CWC27: variants seen among roughly 807,000 people sequenced by gnomAD.
CWC27 encodes the protein spliceosome-associated protein CWC27 homolog.
In CWC27, 47 loss-of-function variants were observed where a neutral mutation model predicts 63.6. The ratio of observed to expected loss-of-function variants is 0.74; its 90% CI spans 0.58 to 0.94. The LOEUF is 0.94. Ranked by LOEUF, CWC27 falls within the 40% of genes least tolerant of loss-of-function variation. CWC27 has a pLI of 0.00. For synonymous variants in CWC27, 175 were observed against 179.8 expected, an observed-to-expected ratio of 0.97 and a Z score of 0.22; for missense variants, 495 against 554.3, an observed-to-expected ratio of 0.89 and a Z score of 1.07.
At chr5:64,808,382 C>T in intron 10 of CWC27, 1 of 960,080 alleles carries the variant, frequency 1.0e-6, no homozygotes, top group Non-Finnish European at 1.2e-6. Flanking sequence ...ACCCTTTTCA[C>T]ACTCCTGTAA....
At chr5:64,947,820 T>G (rs1363199983) in intron 11 of CWC27, among the ~76,000 whole-genome samples, 1 of 152,076 alleles carries the variant, frequency 6.6e-6, no homozygotes, top group Non-Finnish European at 1.5e-5. Context: ...AGGGAGAGCC[T>G]TATATATCAT....
At chr5:64,996,412 C>A (rs1207622308) in intron 13 of CWC27, among the ~76,000 whole-genome samples, 1 of 152,044 alleles carries the variant, frequency 6.6e-6, no homozygotes. Flanking sequence ...ACAGATAATG[C>A]AATTGATCAC....
chr5:64,907,037 G>T (rs1747659636), intron 11 of CWC27, among the ~76,000 whole-genome samples: 1 of 152,072 alleles, frequency 6.6e-6, no homozygotes, highest in Non-Finnish European at 1.5e-5. Context: ...TATCTGTTTT[G>T]GTACCAGTAC....
At chr5:64,826,661 G>A (rs902069873) in intron 10 of CWC27, among the ~76,000 whole-genome samples, 3 of 149,504 alleles carry the variant, frequency 2.0e-5, no homozygotes, top group African/African-American at 7.4e-5. Context: ...TAATTATTTT[G>A]GTTAATAAGT....
At chr5:64,961,659 G>A (rs1022579836) in intron 11 of CWC27, among the ~76,000 whole-genome samples, 5 of 152,112 alleles carry the variant, frequency 3.3e-5, no homozygotes, top group African/African-American at 7.2e-5. Context: ...TAGCATAAGA[G>A]GCACACAGAA....
intron 13 of CWC27, among the ~76,000 whole-genome samples, chr5:65,014,066 T>A (rs1750009446): frequency 6.6e-6 from 1 of 151,620 alleles, no homozygotes; most frequent in African/African-American, 2.4e-5. Flanking sequence ...TTTTGAAAAA[T>A]CAGTTGTTTA....
At chr5:64,805,638 A>T (rs1744644082) in intron 10 of CWC27, among the ~76,000 whole-genome samples, 1 of 152,020 alleles carries the variant, frequency 6.6e-6, no homozygotes, top group Admixed American at 6.6e-5. Flanking sequence ...CCAAATATTT[A>T]TTTATGTTAG....
chr5:64,922,377 A>G (rs1026409762), intron 11 of CWC27, among the ~76,000 whole-genome samples: 1 of 152,092 alleles, frequency 6.6e-6, no homozygotes, highest in African/African-American at 2.4e-5. Context: ...GCTTCAAAGG[A>G]GCAGTCTTCA....
At chr5:64,919,724 T>A (rs775307936) in intron 11 of CWC27, among the ~76,000 whole-genome samples, 15 of 152,224 alleles carry the variant, frequency 9.9e-5, no homozygotes, top group Non-Finnish European at 2.2e-4. Flanking sequence ...CTTTGGTGTC[T>A]ATGTACCACA....
intron 11 of CWC27, among the ~76,000 whole-genome samples, chr5:64,957,074 G>A (rs1465107877): frequency 1.3e-5 from 2 of 152,116 alleles, no homozygotes; most frequent in Non-Finnish European, 2.9e-5. Context: ...ACACATGCAA[G>A]TATTTTAAGG....
chr5:64,819,906 A>G (rs1745146468), intron 10 of CWC27, among the ~76,000 whole-genome samples: 2 of 152,184 alleles, frequency 1.3e-5, no homozygotes, highest in Non-Finnish European at 2.9e-5. Flanking sequence ...GTTTGGGAGA[A>G]TGTTTGAATT....
intron 13 of CWC27, among the ~76,000 whole-genome samples, chr5:65,002,280 CTTGTA>C (rs1749744707): frequency 6.6e-6 from 1 of 151,848 alleles, no homozygotes; most frequent in Non-Finnish European, 1.5e-5. Flanking sequence ...TTGAAGATTA[CTTGTA>C]TTGTTTGTAG....
At chr5:64,837,396 G>A (rs1408444989) in intron 10 of CWC27, among the ~76,000 whole-genome samples, 3 of 151,856 alleles carry the variant, frequency 2.0e-5, no homozygotes, top group Non-Finnish European at 4.4e-5. Flanking sequence ...TTTTAAATAA[G>A]CAGACCTTTT....
chr5:64,946,725 A>C (rs1347376668), intron 11 of CWC27, among the ~76,000 whole-genome samples: 1 of 150,930 alleles, frequency 6.6e-6, no homozygotes, highest in Non-Finnish European at 1.5e-5. Context: ...ATTACCTGTC[A>C]AGTTTTACTT....
At chr5:64,832,812 G>C (rs1169061609) in intron 10 of CWC27, among the ~76,000 whole-genome samples, 1 of 151,714 alleles carries the variant, frequency 6.6e-6, no homozygotes, top group African/African-American at 2.4e-5. Context: ...AACAGTGAAA[G>C]AGCAAATCAC....
intron 11 of CWC27, among the ~76,000 whole-genome samples, chr5:64,900,808 C>T (rs1237613685): frequency 1.3e-5 from 2 of 152,080 alleles, no homozygotes; most frequent in African/African-American, 4.8e-5. Flanking sequence ...TGTGTAAACA[C>T]CATGTGAGTG....
chr5:64,873,677 T>G (rs754127233), intron 10 of CWC27, among the ~76,000 whole-genome samples: 12 of 152,204 alleles, frequency 7.9e-5, no homozygotes, highest in Non-Finnish European at 1.2e-4. Flanking sequence ...AGCTTTTTAG[T>G]TTAATATAGT....
chr5:64,776,884 G>A (rs555272592), intron 2 of CWC27, among the ~76,000 whole-genome samples: 1 of 151,902 alleles, frequency 6.6e-6, no homozygotes, highest in Admixed American at 6.6e-5. Context: ...GCCAAAGGAT[G>A]GTTTATAGCC....
chr5:64,908,753 C>T (rs1747717623), intron 11 of CWC27, among the ~76,000 whole-genome samples: 1 of 152,142 alleles, frequency 6.6e-6, no homozygotes, highest in African/African-American at 2.4e-5. Context: ...TTCCTCCATC[C>T]CTTTATTTTG....
Sources: gnomAD v4.1 joint callset for allele counts (sites outside exome capture counted in the v4.1 genomes callset) on GRCh38, gnomAD v4.1.1 for gene constraint, MANE v1.5 for transcripts, NCBI Gene and HGNC (gene_info 2026-07-23, HGNC 2026-07-21) for gene names.